The following DCAF6 variants were observed in gnomAD, a reference collection of about 807,000 sequenced individuals.
DCAF6 encodes the protein DDB1 and CUL4 associated factor 6.
Under a neutral mutation model 125.1 loss-of-function variants are expected in DCAF6, and 54 were observed. The ratio of observed to expected loss-of-function variants is 0.43; its 90% CI spans 0.35 to 0.54. DCAF6 has a LOEUF of 0.54. Ranked by LOEUF, DCAF6 falls within the 20% of genes least tolerant of loss-of-function variation. The pLI is 0.01. For missense variants in DCAF6, 934 were observed against 1,161.7 expected, an observed-to-expected ratio of 0.80 and a Z score of 2.85; for synonymous variants, 371 against 390.4, an observed-to-expected ratio of 0.95 and a Z score of 0.58.
intron 17 of DCAF6, among the ~76,000 whole-genome samples, chr1:168,059,492 T>G (rs533705297): frequency 4.6e-5 from 7 of 152,238 alleles, no homozygotes; most frequent in Non-Finnish European, 1.0e-4. Flanking sequence ...ATCTTGGCTA[T>G]TCTTTGTCCT....
intron 7 of DCAF6, among the ~76,000 whole-genome samples, chr1:167,998,402 T>C (rs1571871369): frequency 6.6e-6 from 1 of 152,110 alleles, no homozygotes; most frequent in African/African-American, 2.4e-5. Context: ...TTGCTGAAGG[T>C]TGGGGCTGTG....
chr1:167,930,216 T>C, the DCAF6 span, among the ~76,000 whole-genome samples: 1 of 152,202 alleles, frequency 6.6e-6, no homozygotes, highest in Non-Finnish European at 1.5e-5. Context: ...TTTTTAAAAA[T>C]GTTGACTGAA....
intron 11 of DCAF6, among the ~76,000 whole-genome samples, chr1:168,016,484 A>G (rs1283736451): frequency 1.1e-4 from 16 of 152,218 alleles, no homozygotes; most frequent in East Asian, 1.9e-4. Flanking sequence ...TTATTCCTCT[A>G]TACGTAATCA....
chr1:167,865,779 A>G, the DCAF6 span, among the ~76,000 whole-genome samples: 1 of 152,214 alleles, frequency 6.6e-6, no homozygotes, highest in Non-Finnish European at 1.5e-5. Flanking sequence ...ACATTAAACA[A>G]AAGCAGTTGT....
the DCAF6 span, among the ~76,000 whole-genome samples, chr1:167,900,213 A>T: frequency 1.3e-5 from 2 of 152,232 alleles, no homozygotes; most frequent in Admixed American, 6.5e-5. Context: ...TGTAAGTGAC[A>T]CACATTTCTT....
upstream of DCAF6, among the ~76,000 whole-genome samples, chr1:167,934,385 GCATAGCTCAACCC>G (rs1671000929): frequency 6.6e-6 from 1 of 152,158 alleles, no homozygotes; most frequent in Non-Finnish European, 1.5e-5. Flanking sequence ...ATTACAAAAA[GCATAGCTCAACCC>G]TCCTTCCCGA....
At chr1:168,004,459 G>T (rs1683069344) in intron 9 of DCAF6, 74 bp from the exon 10 acceptor site, 1 of 1,415,476 alleles carries the variant, frequency 7.1e-7, no homozygotes, top group South Asian at 1.3e-5. Context: ...TGTGTTTTCT[G>T]AGCATATCTG....
chr1:168,051,702 T>C (rs764091838), intron 17 of DCAF6, among the ~76,000 whole-genome samples: 1 of 152,090 alleles, frequency 6.6e-6, no homozygotes, highest in Non-Finnish European at 1.5e-5. Flanking sequence ...CCAAAAAATA[T>C]AATAGATGTA....
At chr1:167,925,112 T>C in the DCAF6 span, among the ~76,000 whole-genome samples, 1 of 152,120 alleles carries the variant, frequency 6.6e-6, no homozygotes, top group African/African-American at 2.4e-5. Flanking sequence ...TCTTCCACAA[T>C]TTAACATAGT....
chr1:167,936,696 A>T lies in DCAF6; in HGVS notation c.-216A>T. 1.9e-6 allele frequency: 1 copy of T among 521,852 alleles called. No individual in the cohort carries two copies. The highest frequency in any genetic ancestry group is 3.4e-6 in the Non-Finnish European group (1 of 293,552). The allele number at this position is 521,852 out of a possible 1,614,324, so 32.3% of individuals were successfully genotyped here. On this transcript the variant is annotated 5_prime_UTR_variant, in exon 1 of 22. Transcript: ENST00000367840. The stretch of plus-strand genomic sequence containing the variant: ...TTGCTGATCTTTGGATGTTCTGGTT[A>T]GTCTAAGAAGGAGAGTATGAGGCGA...
intron 12 of DCAF6, among the ~76,000 whole-genome samples, chr1:168,024,368 A>G (rs555397892): frequency 6.6e-6 from 1 of 152,338 alleles, no homozygotes; most frequent in South Asian, 2.1e-4. Flanking sequence ...GATGACTCAT[A>G]TGTCAATAGT....
chr1:168,056,356 C>T (rs1270872535), intron 17 of DCAF6: 17 of 1,567,112 alleles, frequency 1.1e-5, no homozygotes, highest in African/African-American at 4.3e-5. Flanking sequence ...CAGGGCGCGG[C>T]GGGTGACGGG....
Position 167,945,369 on chromosome 1 carries a change from C to A in DCAF6, c.98-6431C>A, listed in dbSNP as rs545401361. On this transcript the variant is annotated intron_variant, in intron 1 of 21. Transcript: ENST00000367840. ...TATCCAGTGATCATGGGATGTTTTTCCATTTGTGTCATGTATAATTTCTTT... is the reference window on the plus strand; with the variant it reads ...TATCCAGTGATCATGGGATGTTTTTACATTTGTGTCATGTATAATTTCTTT... Among the ~76,000 whole-genome samples, 4 of 152,084 alleles carry A rather than the reference C, an allele frequency of 2.6e-5. No individual in the cohort carries two copies. In the South Asian group the frequency reaches 8.3e-4, roughly 32 times the overall value.
chr1:167,967,891 C>T (rs747163510), intron 3 of DCAF6, among the ~76,000 whole-genome samples: 26 of 151,598 alleles, frequency 1.7e-4, no homozygotes, highest in Non-Finnish European at 3.1e-4. Context: ...CCACCATGCT[C>T]GGCTAATTTT....
At position 168,045,203 on chromosome 1, in the gene DCAF6, G is replaced by A; in HGVS notation, c.2234G>A (p.Arg745Lys). The change falls in exon 16 of 22, where the codon AGG becomes AAG. Residue 745 changes from arginine (R) to lysine (K), a missense_variant. Physicochemically the swap from Arg to Lys is conservative, Grantham distance 26. Coordinates refer to ENST00000367840, the MANE Select transcript of DCAF6 (RefSeq NM_001198956.2). ...GACCCAGTCCTGATCCCAGGTGCAA[G>A]GTATCGAGCAGGACCTGGTGATAGG... ...DDDPVLIPGA[R>K]YRAGPGDRFN... 3 of 1,612,312 alleles carry A rather than the reference G, an allele frequency of 1.9e-6. No individual in the cohort carries two copies. The highest frequency in any genetic ancestry group is 2.5e-6 in the Non-Finnish European group (3 of 1,179,302).
At chr1:167,903,604 T>C in the DCAF6 span, among the ~76,000 whole-genome samples, 1 of 152,176 alleles carries the variant, frequency 6.6e-6, no homozygotes. Flanking sequence ...CTTGGATATA[T>C]AACTAAAAGT....
chr1:168,045,725 A>G (rs1689080719), intron 16 of DCAF6, among the ~76,000 whole-genome samples: 1 of 152,212 alleles, frequency 6.6e-6, no homozygotes, highest in African/African-American at 2.4e-5. Context: ...TAGAAAATGA[A>G]AAATTATACC....
chr1:168,007,480 C>G (rs2103102104), intron 10 of DCAF6, among the ~76,000 whole-genome samples: 1 of 151,646 alleles, frequency 6.6e-6, no homozygotes, highest in Non-Finnish European at 1.5e-5. Context: ...TTAACCAACC[C>G]CCATCTGCTT....
At chr1:168,026,026 A>G (rs138427386) in intron 12 of DCAF6, among the ~76,000 whole-genome samples, 35 of 152,238 alleles carry the variant, frequency 2.3e-4, no homozygotes, top group African/African-American at 7.9e-4. Flanking sequence ...TCCCTCTACC[A>G]AAACTACTTT....
Sources: allele counts gnomAD v4.1 joint callset (sites outside exome capture counted in the v4.1 genomes callset), GRCh38; gene constraint gnomAD v4.1.1; transcripts MANE v1.5; gene names NCBI Gene and HGNC (gene_info 2026-07-23, HGNC 2026-07-21).